MYO1B: variants seen among roughly 807,000 people sequenced by gnomAD.
MYO1B encodes the protein myosin IB, also known as unconventional myosin-Ib.
MYO1B carries 72 observed loss-of-function variants against 159.7 expected under a neutral mutation model. The ratio of observed to expected loss-of-function variants is 0.45; its 90% CI spans 0.37 to 0.55. The LOEUF is 0.55. MYO1B is among the 20% of genes least tolerant of loss of function. The pLI is 0.00. For missense variants in MYO1B, 1,062 were observed against 1,364.8 expected (o/e 0.78, Z 3.50); for synonymous variants, 468 against 473.8 (o/e 0.99, Z 0.16).
intron 2 of MYO1B, among the ~76,000 whole-genome samples, chr2:191,277,424 A>G (rs1446597034): frequency 3.3e-5 from 5 of 152,258 alleles, no homozygotes; most frequent in Non-Finnish European, 5.9e-5. Flanking sequence ...CAAAAAAGAC[A>G]TGAACTTTCT....
rs1698153738 is a variant in MYO1B at position 191,425,320 on chromosome 2, A to G, written c.*1360A>G. 1 of 152,160 alleles carries G rather than the reference A, an allele frequency of 6.6e-6. No homozygotes were observed. The highest frequency in any genetic ancestry group is 1.5e-5 in the Non-Finnish European group (1 of 68,010). 9.4% of individuals were successfully genotyped at this position (152,160 alleles called of 1,614,324 possible). ...TATAAACCAGAAACATTAATTGAAA[A>G]TATTTTCTGGGGATTTTCTCTTGAC... On this transcript the variant is annotated 3_prime_UTR_variant, in exon 31 of 31. Transcript: ENST00000392318.
intron 14 of MYO1B, among the ~76,000 whole-genome samples, chr2:191,382,168 C>A (rs1695080205): frequency 6.6e-6 from 1 of 151,628 alleles, no homozygotes; most frequent in African/African-American, 2.4e-5. Flanking sequence ...TTAGTTATTT[C>A]AAAAAATAAA....
rs143062553 is a variant in MYO1B at position 191,376,727 on chromosome 2, A to G, written c.1186-4735A>G. Among the ~76,000 whole-genome samples, 938 of 152,340 alleles carry G rather than the reference A, an allele frequency of 6.2e-3. 9 individuals are homozygous for G. Among genetic ancestry groups the G allele is most frequent in the African/African-American group, 0.021 (888 of 41,570 alleles). On this transcript the variant is annotated intron_variant, in intron 13 of 30. Transcript: ENST00000392318. ...TTGGACTGCTCGCTGTTTCAAATAC[A>G]TTATATTCACCTACAGACTCCTTCC...
chr2:191,402,977 G>A lies in MYO1B; in HGVS notation c.2556+259G>A, dbSNP rs73984131. 8.4e-3 allele frequency among the ~76,000 whole-genome samples: 1,274 copies of A among 152,216 alleles called. 21 individuals carry two copies. The highest frequency in any genetic ancestry group is 0.029 in the African/African-American group (1,216 of 41,516). On this transcript the variant is annotated intron_variant, in intron 24 of 30. Transcript: ENST00000392318. ...TTATTCAAGATACTATGTTATCAAA[G>A]TTCTAGTTTGTTATCTTTATGAGTG...
intron 30 of MYO1B, among the ~76,000 whole-genome samples, chr2:191,422,351 C>A (rs971428965): frequency 6.6e-6 from 1 of 152,154 alleles, no homozygotes; most frequent in Admixed American, 6.5e-5. Context: ...GTTCAGGGAT[C>A]TCATCATATA....
intron 20 of MYO1B, 106 bp from the exon 21 acceptor site, chr2:191,396,323 G>A: frequency 8.6e-7 from 1 of 1,158,658 alleles, no homozygotes; most frequent in Non-Finnish European, 1.3e-6. Context: ...AAGGAGTATG[G>A]ATAATTGAGT....
In MYO1B at chr2:191,341,900, C is replaced by A. The variant is rs116290067; in HGVS notation, c.451+335C>A. 6.2e-3 allele frequency among the ~76,000 whole-genome samples: 935 copies of A among 151,976 alleles called. 8 individuals carry two copies. The highest frequency in any genetic ancestry group is 0.022 in the African/African-American group (898 of 41,438). Reference sequence around the variant, plus strand: ...GCTGTTTTATTATTCAGGATAACACCTGTGGCTGATTATTTTTGTTGTTAG... The same window carrying A: ...GCTGTTTTATTATTCAGGATAACACATGTGGCTGATTATTTTTGTTGTTAG... On this transcript the variant is annotated intron_variant, in intron 5 of 30. Transcript: ENST00000392318.
intron 6 of MYO1B, among the ~76,000 whole-genome samples, chr2:191,348,035 C>T (rs6434465): frequency 0.09 from 13,741 of 152,186 alleles, 2,032 homozygotes; most frequent in African/African-American, 0.31. Flanking sequence ...CTCCCCACCA[C>T]AGCAGCTGTA....
chr2:191,403,257 C>T (rs1193635520), intron 24 of MYO1B, among the ~76,000 whole-genome samples: 2 of 152,186 alleles, frequency 1.3e-5, no homozygotes, highest in Non-Finnish European at 2.9e-5. Flanking sequence ...ATTCAGAGAT[C>T]AGTGGATCAT....
Position 191,326,770 on chromosome 2 carries a change from ATGTGTGTG to A in MYO1B, c.252-3126_252-3119del, listed in dbSNP as rs35184577. Among the ~76,000 whole-genome samples the A allele has an allele frequency of 6.0e-3, 816 of 137,120 alleles. 12 individuals are homozygous for A. Among genetic ancestry groups the A allele is most frequent in the East Asian group, 0.055 (251 of 4,578 alleles). The allele number at this position is 137,120 out of a possible 152,430, so 90.0% of individuals were successfully genotyped here. A position where few individuals can be genotyped will look rare whatever the true frequency, so the allele number is the denominator to read the frequency against. On this transcript the variant is annotated intron_variant, in intron 3 of 30. Coordinates refer to ENST00000392318, the MANE Select transcript of MYO1B (RefSeq NM_001130158.3). ...CTTCCAAAGCCTTGTGTTTGTATAT[ATGTGTGTG>A]TGTGTGTGTGTGTGTGTGTGTGTGT...
intron 4 of MYO1B, among the ~76,000 whole-genome samples, chr2:191,332,731 G>A (rs951916899): frequency 6.6e-6 from 1 of 152,178 alleles, no homozygotes; most frequent in Non-Finnish European, 1.5e-5. Flanking sequence ...CTGGGATTTT[G>A]AATGCAGGTA....
At chr2:191,386,522 T>C (rs1254296273) in intron 16 of MYO1B, among the ~76,000 whole-genome samples, 2 of 141,750 alleles carry the variant, frequency 1.4e-5, no homozygotes, top group African/African-American at 5.1e-5. Flanking sequence ...TTTAAAACAC[T>C]TATTTATTTG....
chr2:191,358,921 T>A (rs560680852), intron 7 of MYO1B, among the ~76,000 whole-genome samples: 12 of 152,362 alleles, frequency 7.9e-5, no homozygotes, highest in African/African-American at 2.9e-4. Flanking sequence ...CGCTGGCACA[T>A]AGTGCGTTAG....
chr2:191,310,890 T>C (rs1689962362), intron 3 of MYO1B, among the ~76,000 whole-genome samples: 1 of 152,222 alleles, frequency 6.6e-6, no homozygotes, highest in Non-Finnish European at 1.5e-5. Context: ...GAGTGGTGAA[T>C]GATTTAATGT....
intron 1 of MYO1B, chr2:191,262,983 T>C (rs1470577427): frequency 6.6e-6 from 1 of 152,192 alleles, no homozygotes; most frequent in African/African-American, 2.4e-5. Flanking sequence ...ACTGGTTATC[T>C]TACTCTTAAG....
chr2:191,337,955 A>G (rs1691965353), intron 4 of MYO1B, among the ~76,000 whole-genome samples: 2 of 152,188 alleles, frequency 1.3e-5, no homozygotes, highest in South Asian at 4.1e-4. Flanking sequence ...CAAAGAGTCA[A>G]AAGGAAATGA....
At chr2:191,327,153 A>G (rs1429869234) in intron 3 of MYO1B, among the ~76,000 whole-genome samples, 1 of 152,138 alleles carries the variant, frequency 6.6e-6, no homozygotes, top group Non-Finnish European at 1.5e-5. Context: ...TGAATTTCCC[A>G]TTGTTTATCA....
At position 191,402,646 on chromosome 2, in the gene MYO1B, G is replaced by A. The variant is rs368918879; in HGVS notation, c.2484G>A (p.Leu828=). The change falls in exon 24 of 31, where the codon TTG becomes TTA. Residue 828 remains leucine (L), a synonymous_variant. Transcript: ENST00000392318. ...YWLGSKARRE[L]KRLKEEARRK... is the part of the protein sequence containing the mutation. ...AAACATTCTAGGCTCGAAGGGAATT[G>A]AAACGCTTGAAGGAGGAGGCTAGGC... is the stretch of plus-strand genomic sequence containing the variant. 16 of 1,613,594 alleles carry A rather than the reference G, an allele frequency of 9.9e-6. No homozygotes were observed. Among genetic ancestry groups the A allele is most frequent in the Admixed American group, 1.7e-5 (1 of 59,996 alleles).
intron 3 of MYO1B, among the ~76,000 whole-genome samples, chr2:191,323,552 A>T (rs1443363011): frequency 6.6e-6 from 1 of 152,186 alleles, no homozygotes; most frequent in Non-Finnish European, 1.5e-5. Context: ...CCATTTTAAA[A>T]AATGTGAAAC....
Sources: gnomAD v4.1 joint callset for allele counts (sites outside exome capture counted in the v4.1 genomes callset) on GRCh38, gnomAD v4.1.1 for gene constraint, MANE v1.5 for transcripts, NCBI Gene and HGNC (gene_info 2026-07-23, HGNC 2026-07-21) for gene names.